Variants in RABGAP1L observed in about 807,000 individuals in gnomAD.
The protein encoded by RABGAP1L is RAB GTPase activating protein 1 like.
Under a neutral mutation model 137.7 loss-of-function variants are expected in RABGAP1L, and 63 were observed. That is an observed-to-expected ratio of 0.46 (90% CI 0.37 to 0.56). RABGAP1L has a LOEUF of 0.56. Among genes scored for constraint, RABGAP1L ranks in the 20% least tolerant of loss-of-function variants. The pLI is 0.00. For missense variants in RABGAP1L, 1,095 were observed against 1,244.0 expected, an observed-to-expected ratio of 0.88 and a Z score of 1.80; for synonymous variants, 431 against 433.7, an observed-to-expected ratio of 0.99 and a Z score of 0.08.
intron 11 of RABGAP1L, among the ~76,000 whole-genome samples, chr1:174,344,084 C>T (rs1444597274): frequency 2.0e-5 from 3 of 152,164 alleles, no homozygotes; most frequent in Non-Finnish European, 4.4e-5. Context: ...ACATCTTAAT[C>T]ATGTTTCAAC....
chr1:174,328,004 T>TAC (rs1558136412), intron 11 of RABGAP1L, among the ~76,000 whole-genome samples: 30 of 121,738 alleles, frequency 2.5e-4, no homozygotes, highest in African/African-American at 1.3e-3. Context: ...TATATATATA[T>TAC]ATATATATAT....
intron 14 of RABGAP1L, among the ~76,000 whole-genome samples, chr1:174,638,926 A>G (rs1420003523): frequency 5.1e-4 from 71 of 140,318 alleles, no homozygotes; most frequent in African/African-American, 1.8e-3. Flanking sequence ...TGGGAGATAT[A>G]CCTAATGCTA....
intron 14 of RABGAP1L, among the ~76,000 whole-genome samples, chr1:174,674,057 CAG>C (rs1478004475): frequency 6.7e-6 from 1 of 148,912 alleles, no homozygotes; most frequent in African/African-American, 2.5e-5. Context: ...TTTGAGTGTT[CAG>C]AGTTTTTTTT....
intron 13 of RABGAP1L, among the ~76,000 whole-genome samples, chr1:174,485,130 T>A (rs1466985191): frequency 6.6e-6 from 1 of 152,202 alleles, no homozygotes; most frequent in South Asian, 2.1e-4. Flanking sequence ...ATAGGATTAC[T>A]TTTTAAATTT....
At chr1:174,543,674 A>G (rs1020622374) in intron 13 of RABGAP1L, among the ~76,000 whole-genome samples, 3 of 152,186 alleles carry the variant, frequency 2.0e-5, no homozygotes, top group African/African-American at 7.2e-5. Flanking sequence ...TAGTTGATGC[A>G]GTTTCTTCCT....
intron 20 of RABGAP1L, among the ~76,000 whole-genome samples, chr1:174,959,560 A>T (rs143620510): frequency 4.6e-5 from 7 of 152,322 alleles, no homozygotes; most frequent in African/African-American, 1.7e-4. Flanking sequence ...TTATTGAGAG[A>T]TCAAAGTAGG....
intron 18 of RABGAP1L, chr1:174,756,791 T>G: frequency 4.2e-6 from 2 of 481,054 alleles, no homozygotes; most frequent in South Asian, 3.2e-5. Flanking sequence ...AGGGGAGGAG[T>G]CCCTACTCGG....
chr1:174,373,684 T>G (rs1167292777), intron 12 of RABGAP1L, among the ~76,000 whole-genome samples: 1 of 152,218 alleles, frequency 6.6e-6, no homozygotes. Flanking sequence ...CTAGTATTAG[T>G]ATTTTTCAGG....
intron 18 of RABGAP1L, among the ~76,000 whole-genome samples, chr1:174,754,812 T>C (rs1320988134): frequency 6.6e-6 from 1 of 152,192 alleles, no homozygotes; most frequent in Non-Finnish European, 1.5e-5. Flanking sequence ...TTCAAAGTGC[T>C]TATGAATTGA....
At chr1:174,436,671 T>C (rs1653359245) in intron 13 of RABGAP1L, among the ~76,000 whole-genome samples, 1 of 152,210 alleles carries the variant, frequency 6.6e-6, no homozygotes, top group African/African-American at 2.4e-5. Context: ...TAGATCCCGT[T>C]TGTCAATTTT....
At chr1:174,944,274 CAAAAAAAAA>C (rs56225773) in intron 19 of RABGAP1L, among the ~76,000 whole-genome samples, 130 of 50,878 alleles carry the variant, frequency 2.6e-3, no homozygotes, top group African/African-American at 8.8e-3. Context: ...AAGACTGTCT[CAAAAAAAAA>C]AAAAAAAAAA....
rs1387425884 is a variant in RABGAP1L, at chr1:174,848,417, C to T, written c.2340+36457C>T. Among the ~76,000 whole-genome samples the T allele has an allele frequency of 3.5e-5, 5 of 141,442 alleles. 1 individual carries two copies. Among genetic ancestry groups the T allele is most frequent in the African/African-American group, 1.4e-4 (5 of 35,868 alleles). The allele number at this position is 141,442 out of a possible 152,430, so 92.8% of individuals were successfully genotyped here. ...ACAGATGGGTTTTTGGTGTGGATGT[C>T]CTTTCTGTTTGTTAGTTTTCCTTCT... On this transcript the variant is annotated intron_variant, in intron 19 of 25. Transcript: ENST00000681986.
intron 23 of RABGAP1L, among the ~76,000 whole-genome samples, chr1:174,981,887 G>A (rs977254296): frequency 6.6e-6 from 1 of 151,888 alleles, no homozygotes; most frequent in Non-Finnish European, 1.5e-5. Context: ...TAACCCCTTT[G>A]CATACTTTTT....
At chr1:174,261,947 T>C (rs1673612447) in intron 7 of RABGAP1L, among the ~76,000 whole-genome samples, 1 of 152,206 alleles carries the variant, frequency 6.6e-6, no homozygotes, top group South Asian at 2.1e-4. Flanking sequence ...GGGAATAGAT[T>C]AGTGGGATGA....
intron 11 of RABGAP1L, among the ~76,000 whole-genome samples, chr1:174,349,755 A>G (rs1188442655): frequency 2.0e-3 from 205 of 100,032 alleles, no homozygotes; most frequent in East Asian, 3.8e-3. Flanking sequence ...CCTCCCTCCC[A>G]GACGGGGCGG....
intron 17 of RABGAP1L, among the ~76,000 whole-genome samples, chr1:174,724,005 AAATG>A (rs1187720350): frequency 6.6e-6 from 1 of 152,252 alleles, no homozygotes; most frequent in East Asian, 1.9e-4. Context: ...CATTAAGAAT[AAATG>A]CTGACATTGT....
At chr1:174,160,913 A>T (rs1557989280) in intron 1 of RABGAP1L, among the ~76,000 whole-genome samples, 1 of 152,230 alleles carries the variant, frequency 6.6e-6, no homozygotes, top group Non-Finnish European at 1.5e-5. Flanking sequence ...ATACTGGTTC[A>T]CAAGCTCCTA....
At chr1:174,781,638 G>C (rs1398760938) in intron 18 of RABGAP1L, among the ~76,000 whole-genome samples, 3 of 152,138 alleles carry the variant, frequency 2.0e-5, no homozygotes, top group Non-Finnish European at 4.4e-5. Context: ...TGAAGTCCTT[G>C]CCCATGCTTA....
At chr1:174,199,775 A>T (rs1368788784) in intron 1 of RABGAP1L, among the ~76,000 whole-genome samples, 2 of 152,150 alleles carry the variant, frequency 1.3e-5, no homozygotes, top group African/African-American at 4.8e-5. Context: ...ATCAGTGTTG[A>T]TGGTTCTTGT....
Sources: gnomAD v4.1 joint callset for allele counts (sites outside exome capture counted in the v4.1 genomes callset) on GRCh38, gnomAD v4.1.1 for gene constraint, MANE v1.5 for transcripts, NCBI Gene and HGNC (gene_info 2026-07-23, HGNC 2026-07-21) for gene names.